The following PRKCH variants were observed in gnomAD, a reference collection of about 807,000 sequenced individuals.
The protein encoded by PRKCH is protein kinase C eta type.
PRKCH carries 28 observed loss-of-function variants against 82.5 expected under a neutral mutation model. That is an observed-to-expected ratio of 0.34 (90% confidence interval 0.25 to 0.47). The LOEUF (loss-of-function observed/expected upper bound fraction) is 0.47. Ranked by LOEUF, PRKCH falls within the 20% of genes least tolerant of loss-of-function variation. The pLI is 1.00. For synonymous variants in PRKCH, 322 were observed against 327.4 expected, an observed-to-expected ratio of 0.98 and a Z score of 0.18; for missense variants, 705 against 881.8, an observed-to-expected ratio of 0.80 and a Z score of 2.54.
chr14:61,515,495 C>T (rs2042811798), intron 10 of PRKCH, among the ~76,000 whole-genome samples: 1 of 152,192 alleles, frequency 6.6e-6, no homozygotes, highest in Non-Finnish European at 1.5e-5. Flanking sequence ...GGGCACTTGA[C>T]ACTAAACAGA....
intron 2 of PRKCH, among the ~76,000 whole-genome samples, chr14:61,430,190 A>G (rs566309292): frequency 1.1e-4 from 17 of 152,378 alleles, no homozygotes; most frequent in African/African-American, 2.9e-4. Flanking sequence ...CAAAAGAAAT[A>G]TGAATGGGCA....
At chr14:61,439,277 G>T (rs186534663) in intron 2 of PRKCH, among the ~76,000 whole-genome samples, 1 of 152,308 alleles carries the variant, frequency 6.6e-6, no homozygotes, top group East Asian at 1.9e-4. Context: ...AGTGGGGTTG[G>T]AGTCTGTAGG....
chr14:61,352,538 C>T (rs1005112895), intron 1 of PRKCH, among the ~76,000 whole-genome samples: 3 of 151,912 alleles, frequency 2.0e-5, no homozygotes, highest in African/African-American at 7.3e-5. Flanking sequence ...GTGGTGTGCA[C>T]TTGTAGTCCC....
intron 1 of PRKCH, chr14:61,306,793 G>A (rs899370934): frequency 5.9e-5 from 9 of 152,124 alleles, no homozygotes; most frequent in African/African-American, 1.9e-4. Context: ...TACTCTTCAT[G>A]ATTATAGATA....
chr14:61,515,147 A>G (rs1232179510), intron 10 of PRKCH, among the ~76,000 whole-genome samples: 3 of 152,210 alleles, frequency 2.0e-5, no homozygotes, highest in African/African-American at 7.2e-5. Flanking sequence ...GCTGTTGGGT[A>G]TGGGTCCTAA....
At chr14:61,378,162 A>G (rs1389906346) in intron 1 of PRKCH, among the ~76,000 whole-genome samples, 1 of 151,896 alleles carries the variant, frequency 6.6e-6, no homozygotes, top group East Asian at 1.9e-4. Context: ...CTTCCCAGGT[A>G]AAGCTTCGCC....
At chr14:61,410,832 C>G (rs1882229655) in intron 2 of PRKCH, among the ~76,000 whole-genome samples, 1 of 152,220 alleles carries the variant, frequency 6.6e-6, no homozygotes, top group Non-Finnish European at 1.5e-5. Flanking sequence ...GTTCTGATCA[C>G]CTTCCACTAT....
chr14:61,514,690 CAG>C (rs2042797206), intron 10 of PRKCH, among the ~76,000 whole-genome samples: 1 of 152,116 alleles, frequency 6.6e-6, no homozygotes, highest in Admixed American at 6.5e-5. Flanking sequence ...AGTTGCTGTT[CAG>C]ATTAATAGCC....
At chr14:61,392,842 TTG>T (rs1377309318) in intron 2 of PRKCH, among the ~76,000 whole-genome samples, 3 of 139,484 alleles carry the variant, frequency 2.2e-5, no homozygotes, top group African/African-American at 9.7e-5. Context: ...GTTTCTTTTT[TTG>T]TTTTTTTTTT....
At chr14:61,368,939 T>C (rs1426946509) in intron 1 of PRKCH, among the ~76,000 whole-genome samples, 1 of 152,126 alleles carries the variant, frequency 6.6e-6, no homozygotes, top group African/African-American at 2.4e-5. Context: ...GATGTGGAAG[T>C]CTAATATGTG....
At chr14:61,217,779 C>G (rs1343635445) in intron 1 of PRKCH, among the ~76,000 whole-genome samples, 1 of 152,218 alleles carries the variant, frequency 6.6e-6, no homozygotes, top group Non-Finnish European at 1.5e-5. Context: ...TCAGTATCCA[C>G]AGGGCTGGCT....
chr14:61,362,139 C>T (rs571234084), intron 1 of PRKCH, among the ~76,000 whole-genome samples: 1 of 152,052 alleles, frequency 6.6e-6, no homozygotes, highest in South Asian at 2.1e-4. Flanking sequence ...GAGTCTGAGA[C>T]CACCCTGGTC....
chr14:61,538,360 C>T (rs189585975), intron 12 of PRKCH, among the ~76,000 whole-genome samples: 2 of 152,314 alleles, frequency 1.3e-5, no homozygotes, highest in Admixed American at 6.5e-5. Flanking sequence ...ACCGTTTGCT[C>T]ACAGATCAAG....
intron 1 of PRKCH, among the ~76,000 whole-genome samples, chr14:61,370,099 A>T (rs1457344899): frequency 6.6e-6 from 1 of 151,684 alleles, no homozygotes; most frequent in Non-Finnish European, 1.5e-5. Context: ...GCCCATCACC[A>T]CACCTGGCTA....
chr14:61,460,844 T>G (rs1349654215), intron 9 of PRKCH, among the ~76,000 whole-genome samples: 1 of 152,178 alleles, frequency 6.6e-6, no homozygotes, highest in Non-Finnish European at 1.5e-5. Flanking sequence ...CTTGCATTCC[T>G]CTAACTGTGA....
chr14:61,515,278 A>G (rs1054221004), intron 10 of PRKCH, among the ~76,000 whole-genome samples: 13 of 152,108 alleles, frequency 8.5e-5, no homozygotes, highest in African/African-American at 3.1e-4. Context: ...ATTTCTGGAG[A>G]TTTGAAATTC....
chr14:61,422,986 C>T (rs903297650), intron 2 of PRKCH, among the ~76,000 whole-genome samples: 28 of 151,970 alleles, frequency 1.8e-4, no homozygotes, highest in African/African-American at 4.4e-4. Flanking sequence ...TAAGAATGTC[C>T]GGTATAAATT....
chr14:61,394,382 G>A (rs2046737486), intron 2 of PRKCH, among the ~76,000 whole-genome samples: 1 of 152,086 alleles, frequency 6.6e-6, no homozygotes, highest in Non-Finnish European at 1.5e-5. Flanking sequence ...TCCTAGCCTA[G>A]TCAAATAAAA....
intron 1 of PRKCH, chr14:61,304,307 AG>A (rs1275655391): frequency 6.6e-6 from 1 of 152,132 alleles, no homozygotes; most frequent in Non-Finnish European, 1.5e-5. Context: ...GTCTTTAAAT[AG>A]TCTGTTTTAA....
Sources: gnomAD v4.1 joint callset for allele counts (sites outside exome capture counted in the v4.1 genomes callset) on GRCh38, gnomAD v4.1.1 for gene constraint, MANE v1.5 for transcripts, NCBI Gene and HGNC (gene_info 2026-07-23, HGNC 2026-07-21) for gene names.